The following OOSP4A variants were observed in gnomAD, a reference collection of about 807,000 sequenced individuals.
OOSP4A encodes the protein oocyte secreted protein family member 4A, also known as oocyte-secreted protein 4A.
chr11:59,966,939 C>A, intron 2 of OOSP4A, 128 bp from the exon 3 acceptor site: 1 of 374,318 alleles, frequency 2.7e-6, no homozygotes, highest in Non-Finnish European at 4.7e-6. Context: ...GCACTCATAC[C>A]TATTTTATTT....
At chr11:59,967,294 T>C in intron 3 of OOSP4A, 130 bp downstream of exon 3, 1 of 392,764 alleles carries the variant, frequency 2.5e-6, no homozygotes, top group Admixed American at 4.4e-5. Context: ...TATGGTGTTC[T>C]GTTGGTCATG....
At chr11:59,964,745 A>G (rs1278296893) in intron 1 of OOSP4A, among the ~76,000 whole-genome samples, 1 of 152,152 alleles carries the variant, frequency 6.6e-6, no homozygotes, top group South Asian at 2.1e-4. Flanking sequence ...TAACTGCAGT[A>G]TTATTTTGTT....
intron 1 of OOSP4A, among the ~76,000 whole-genome samples, chr11:59,965,069 C>T (rs1854083902): frequency 6.9e-6 from 1 of 145,026 alleles, no homozygotes; most frequent in African/African-American, 2.6e-5. Flanking sequence ...CATGTTCTCA[C>T]TCATAGGTGG....
At chr11:59,964,433 A>G (rs1039250196) in intron 1 of OOSP4A, among the ~76,000 whole-genome samples, 1 of 151,944 alleles carries the variant, frequency 6.6e-6, no homozygotes, top group Non-Finnish European at 1.5e-5. Context: ...AAATCAGGAG[A>G]GACTGCCCAG....
exon 2 of OOSP4A, chr11:59,965,651 A>G (rs1403645710): frequency 1.3e-5 from 5 of 398,368 alleles, no homozygotes; most frequent in African/African-American, 2.1e-5. Context: ...TCCTGTAAAC[A>G]TGGTCGAGGT....
At chr11:59,967,764 T>C (rs573684024) in intron 3 of OOSP4A, among the ~76,000 whole-genome samples, 2 of 152,150 alleles carry the variant, frequency 1.3e-5, no homozygotes, top group Admixed American at 1.3e-4. Context: ...CAGGAGAGCC[T>C]GTTGATGAAG....
At position 59,969,230 on chromosome 11, in the gene OOSP4A, G is replaced by A. The variant is rs145926483; in HGVS notation, c.425G>A (p.Arg142His). 408 of 398,764 alleles carry A rather than the reference G, an allele frequency of 1.0e-3. 1 individual carries two copies. In the Middle Eastern group the frequency reaches 0.011, roughly 11 times the overall value. The allele number at this position is 398,764 out of a possible 1,614,324, so 24.7% of individuals were successfully genotyped here. A position where few individuals can be genotyped will look rare whatever the true frequency, so the allele number is the denominator to read the frequency against. ...TGCAGAAGGTCAGTGGGACAGCACC[G>A]CTCACTATCACATGAACTTGAAGAC... The change falls in exon 4 of 5, where the codon CGC becomes CAC. Residue 142 changes from arginine (R) to histidine (H), a missense_variant. Physicochemically the swap from Arg to His is conservative, Grantham distance 29 (BLOSUM62 0). Transcript: ENST00000645590.
intron 1 of OOSP4A, among the ~76,000 whole-genome samples, chr11:59,964,811 G>T (rs998060375): frequency 6.6e-6 from 1 of 151,940 alleles, no homozygotes; most frequent in Non-Finnish European, 1.5e-5. Context: ...ATATTTTGAT[G>T]CAAAATAAAA....
At chr11:59,969,041 A>G (rs1056449960) in intron 3 of OOSP4A, 109 bp from the exon 4 acceptor site, 25 of 394,964 alleles carry the variant, frequency 6.3e-5, no homozygotes, top group Non-Finnish European at 8.9e-5. Flanking sequence ...ATTCTCTCAC[A>G]GCTGGAAGAG....
intron 2 of OOSP4A, among the ~76,000 whole-genome samples, chr11:59,966,846 C>A (rs185748866): frequency 2.7e-4 from 41 of 152,202 alleles, no homozygotes; most frequent in African/African-American, 9.1e-4. Flanking sequence ...ATACAATGTC[C>A]CTGCTACTAT....
chr11:59,964,413 GT>G (rs773018794), intron 1 of OOSP4A, among the ~76,000 whole-genome samples: 3 of 151,902 alleles, frequency 2.0e-5, no homozygotes, highest in Non-Finnish European at 4.4e-5. Context: ...AATACTTACA[GT>G]GACTGGCAAA....
chr11:59,966,892 T>G, intron 2 of OOSP4A, among the ~76,000 whole-genome samples, 175 bp from the exon 3 acceptor site: 1 of 152,180 alleles, frequency 6.6e-6, no homozygotes, highest in South Asian at 2.1e-4. Flanking sequence ...AACCAGGGAT[T>G]TTTATCACTT....
At chr11:59,969,632 C>G (rs1590565516) in intron 4 of OOSP4A, among the ~76,000 whole-genome samples, 1 of 152,084 alleles carries the variant, frequency 6.6e-6, no homozygotes, top group Admixed American at 6.6e-5. Context: ...AACTCTAATT[C>G]CAGCTTTTTG....
At chr11:59,968,840 A>G (rs888675051) in intron 3 of OOSP4A, among the ~76,000 whole-genome samples, 7 of 152,174 alleles carry the variant, frequency 4.6e-5, no homozygotes, top group African/African-American at 1.7e-4. Flanking sequence ...GTCTGTTGAG[A>G]TGATTAGAGA....
At chr11:59,967,118 A>G (rs1056730508) in exon 3 of OOSP4A, 27 of 398,132 alleles carry the variant, frequency 6.8e-5, no homozygotes, top group Non-Finnish European at 1.1e-4. Flanking sequence ...TGAACCAACG[A>G]ATTTTGACTT....
At chr11:59,967,494 A>G (rs567645154) in intron 3 of OOSP4A, among the ~76,000 whole-genome samples, 18 of 152,230 alleles carry the variant, frequency 1.2e-4, no homozygotes, top group African/African-American at 4.3e-4. Flanking sequence ...CATGGCTATT[A>G]TAGGAGTTCT....
chr11:59,970,232 T>G (rs1854140944), downstream of OOSP4A: 1 of 394,414 alleles, frequency 2.5e-6, no homozygotes, highest in African/African-American at 2.1e-5. Context: ...AAATGTGATA[T>G]TTTTAAATGA....
intron 3 of OOSP4A, among the ~76,000 whole-genome samples, chr11:59,967,845 T>TC (rs1854116928): frequency 1.3e-5 from 2 of 152,118 alleles, no homozygotes; most frequent in Admixed American, 6.6e-5. Flanking sequence ...ATGTGTGTTC[T>TC]CTCTGCCCCT....
chr11:59,968,443 C>T (rs571522496), intron 3 of OOSP4A, among the ~76,000 whole-genome samples: 1 of 152,348 alleles, frequency 6.6e-6, no homozygotes, highest in East Asian at 1.9e-4. Flanking sequence ...CATTTTCTGT[C>T]TTGGTTGTTT....
Sources: allele counts gnomAD v4.1 joint callset (sites outside exome capture counted in the v4.1 genomes callset), GRCh38; gene constraint gnomAD v4.1.1; transcripts MANE v1.5; gene names NCBI Gene and HGNC (gene_info 2026-07-23, HGNC 2026-07-21).